WDR49: variants seen among roughly 807,000 people sequenced by gnomAD.
The protein encoded by WDR49 is WD repeat domain 49, also known as cilia- and flagella-associated protein 337.
WDR49 carries 107 observed loss-of-function variants against 119.5 expected under a neutral mutation model. The observed-to-expected ratio is 0.90, with a 90% CI of 0.77 to 1.05. The LOEUF (loss-of-function observed/expected upper bound fraction) is 1.05. WDR49 is among the 50% of genes least tolerant of loss of function. WDR49 has a pLI of 0.00. For missense variants in WDR49, 1,240 were observed against 1,220.5 expected, an observed-to-expected ratio of 1.02 and a Z score of -0.24; for synonymous variants, 425 against 418.8, an observed-to-expected ratio of 1.01 and a Z score of -0.18.
At position 167,478,889 on chromosome 3, in the gene WDR49, T is replaced by C; in HGVS notation, c.3139A>G (p.Asn1047Asp). The change falls in exon 19 of 19, where the codon AAT (asparagine) becomes GAT (aspartate). Residue 1047 changes from asparagine to aspartate, a missense_variant. Physicochemically the swap from Asn to Asp is conservative, Grantham distance 23 (BLOSUM62 1). Coordinates refer to ENST00000682715, the MANE Select transcript of WDR49 (RefSeq NM_001366157.1). ...CQEKSCEVKK[N>D]KK ...TTTTTCTGTTGTAATTACTTCTTATTTTTCTTCACTTCACAACTTTTTTCT... is the reference window on the plus strand; with the variant it reads ...TTTTTCTGTTGTAATTACTTCTTATCTTTCTTCACTTCACAACTTTTTTCT... 6.2e-7 allele frequency: 1 copy of C among 1,603,294 alleles called. No individual in the cohort carries two copies. The highest frequency in any genetic ancestry group is 8.5e-7 in the Non-Finnish European group (1 of 1,176,334).
At chr3:167,542,883 G>C (rs1204645484) in intron 10 of WDR49, among the ~76,000 whole-genome samples, 1 of 151,870 alleles carries the variant, frequency 6.6e-6, no homozygotes, top group Non-Finnish European at 1.5e-5. Context: ...AAACAAAATT[G>C]GTAGACCATT....
chr3:167,552,222 TA>T (rs1272900619), intron 10 of WDR49, among the ~76,000 whole-genome samples: 1 of 151,994 alleles, frequency 6.6e-6, no homozygotes, highest in Non-Finnish European at 1.5e-5. Context: ...AGCAAGCACA[TA>T]ACATAGACAC....
intron 2 of WDR49, among the ~76,000 whole-genome samples, chr3:167,650,610 G>C (rs1718330265): frequency 6.6e-6 from 1 of 152,158 alleles, no homozygotes; most frequent in South Asian, 2.1e-4. Flanking sequence ...TGTCTTTGCA[G>C]CTCTAACCAC....
At chr3:167,484,556 G>C (rs1750851472) in intron 18 of WDR49, among the ~76,000 whole-genome samples, 1 of 151,958 alleles carries the variant, frequency 6.6e-6, no homozygotes. Context: ...TTTTGAACTT[G>C]CTCACTCAGC....
intron 18 of WDR49, among the ~76,000 whole-genome samples, chr3:167,499,774 A>C (rs1377644175): frequency 6.6e-6 from 1 of 152,148 alleles, no homozygotes; most frequent in East Asian, 1.9e-4. Flanking sequence ...TTTCACATGA[A>C]AATAAAACAA....
At position 167,621,653 on chromosome 3, in the gene WDR49, C is replaced by A; in HGVS notation, c.607-10G>T. 6.6e-7 allele frequency: 1 copy of A among 1,517,348 alleles called. No individual in the cohort carries two copies. The allele number at this position is 1,517,348 out of a possible 1,614,324, so 94.0% of individuals were successfully genotyped here. A position where few individuals can be genotyped will look rare whatever the true frequency, so the allele number is the denominator to read the frequency against. On this transcript the variant is annotated splice_polypyrimidine_tract_variant and intron_variant, in intron 3 of 18. Transcript: ENST00000682715. ...TAAAAGCCACTGCTATCTAAAGTAG[C>A]AGAGTAGAAAATCAGAAAGTAATTC...
intron 18 of WDR49, among the ~76,000 whole-genome samples, chr3:167,486,177 T>C (rs772522654): frequency 7.2e-5 from 11 of 152,056 alleles, no homozygotes; most frequent in South Asian, 4.1e-4. Flanking sequence ...ATAAATAAAA[T>C]CTTTCTCAGA....
intron 2 of WDR49, among the ~76,000 whole-genome samples, chr3:167,633,896 CATTA>C (rs1717494315): frequency 6.6e-6 from 1 of 151,904 alleles, no homozygotes; most frequent in Non-Finnish European, 1.5e-5. Flanking sequence ...TCTATTCAAG[CATTA>C]ATTATTGTTG....
chr3:167,603,847 G>C (rs1335166544), intron 6 of WDR49, among the ~76,000 whole-genome samples: 1 of 152,010 alleles, frequency 6.6e-6, no homozygotes, highest in Non-Finnish European at 1.5e-5. Flanking sequence ...TATTCTGAAA[G>C]GTAATTGAAA....
intron 2 of WDR49, among the ~76,000 whole-genome samples, chr3:167,636,812 T>G (rs1020311012): frequency 2.0e-5 from 3 of 151,970 alleles, no homozygotes; most frequent in African/African-American, 7.2e-5. Context: ...TTTCTATTCA[T>G]GTCCTTAGCC....
chr3:167,616,148 A>G (rs908096756), intron 5 of WDR49, among the ~76,000 whole-genome samples: 2 of 152,216 alleles, frequency 1.3e-5, no homozygotes, highest in African/African-American at 2.4e-5. Flanking sequence ...TTTTGGGTGA[A>G]TATCACATAG....
At chr3:167,554,565 G>T in intron 10 of WDR49, 85 bp downstream of exon 10, 1 of 816,882 alleles carries the variant, frequency 1.2e-6, no homozygotes, top group Non-Finnish European at 1.8e-6. Context: ...TCACCAGCAA[G>T]TTTTAATGAC....
chr3:167,604,251 C>T (rs780881288), intron 6 of WDR49, 50 bp downstream of exon 6: 23 of 1,597,120 alleles, frequency 1.4e-5, no homozygotes, highest in Non-Finnish European at 1.7e-5. Flanking sequence ...AAATATACAT[C>T]CCAGACTATT....
chr3:167,609,873 C>T (rs181447818), intron 5 of WDR49, among the ~76,000 whole-genome samples: 47 of 152,300 alleles, frequency 3.1e-4, no homozygotes, highest in African/African-American at 1.1e-3. Context: ...CAGGAGACAG[C>T]ATTGGTCAGA....
intron 2 of WDR49, among the ~76,000 whole-genome samples, chr3:167,637,133 A>C (rs1438122248): frequency 6.6e-6 from 1 of 151,844 alleles, no homozygotes. Flanking sequence ...CAGGTCTTAG[A>C]TTTAAGTCTT....
Position 167,531,139 on chromosome 3 carries a change from C to A in WDR49, c.2194G>T (p.Ala732Ser). The A allele has an allele frequency of 6.2e-7, 1 of 1,610,974 alleles. No individual in the cohort carries two copies. Among genetic ancestry groups the A allele is most frequent in the East Asian group, 2.2e-5 (1 of 44,820 alleles). Residue 732 changes from alanine (A) to serine (S), a missense_variant, in exon 13 of 19, where the codon GCA becomes TCA. Transcript: ENST00000682715. ...NAVMRLCFLK[A>S]RKNTAVTGGA... The stretch of plus-strand genomic sequence containing the variant: ...CCTGTCACTGCAGTGTTTTTTCTTG[C>A]TTTAAGAAAGCAAAGTCTCATAACA...
intron 10 of WDR49, among the ~76,000 whole-genome samples, chr3:167,551,385 G>A (rs1335881257): frequency 6.6e-6 from 1 of 152,044 alleles, no homozygotes; most frequent in African/African-American, 2.4e-5. Context: ...TTGTTAAGTT[G>A]CTACCACATG....
At chr3:167,494,362 T>C (rs528557040) in intron 18 of WDR49, among the ~76,000 whole-genome samples, 1 of 152,290 alleles carries the variant, frequency 6.6e-6, no homozygotes, top group African/African-American at 2.4e-5. Flanking sequence ...CTTTCTAAAA[T>C]GCAAATCTGG....
intron 16 of WDR49, among the ~76,000 whole-genome samples, chr3:167,507,120 CT>C (rs1751799908): frequency 6.6e-6 from 1 of 152,042 alleles, no homozygotes; most frequent in South Asian, 2.1e-4. Flanking sequence ...CCATATGTTA[CT>C]CTTTGGAAGC....
Sources: gnomAD v4.1 joint callset for allele counts (sites outside exome capture counted in the v4.1 genomes callset) on GRCh38, gnomAD v4.1.1 for gene constraint, MANE v1.5 for transcripts, NCBI Gene and HGNC (gene_info 2026-07-23, HGNC 2026-07-21) for gene names.